The following EPSTI1 variants were observed in gnomAD, a reference collection of about 807,000 sequenced individuals.
The protein encoded by EPSTI1 is epithelial stromal interaction 1, also known as epithelial-stromal interaction protein 1.
A neutral mutation model predicts 49.9 loss-of-function variants in EPSTI1; 66 were observed. The ratio of observed to expected loss-of-function variants is 1.32; its 90% confidence interval spans 1.08 to 1.62. The LOEUF (loss-of-function observed/expected upper bound fraction) is 1.62, where lower values mean the gene tolerates loss of function less well. Ranked by LOEUF, EPSTI1 falls within the 40% of genes most tolerant of loss-of-function variation. The pLI, the probability that EPSTI1 is intolerant of heterozygous loss-of-function variation, is 0.00. For synonymous variants in EPSTI1, 137 were observed against 130.7 expected (o/e 1.05, Z -0.33); for missense variants, 394 against 365.5 (o/e 1.08, Z -0.64).
intron 1 of EPSTI1, among the ~76,000 whole-genome samples, chr13:42,971,951 C>T (rs915645321): frequency 1.3e-5 from 2 of 152,230 alleles, no homozygotes; most frequent in Non-Finnish European, 2.9e-5. Context: ...GAGACTGCCA[C>T]TGGCAATTAA....
At position 42,986,692 on chromosome 13, in the gene EPSTI1, C is replaced by G. The variant is rs141410186; in HGVS notation, c.188+5286G>C. Among the ~76,000 whole-genome samples the G allele has an allele frequency of 7.4e-3, 963 of 130,914 alleles. 25 individuals carry two copies. Among genetic ancestry groups the G allele is most frequent in the East Asian group, 0.073 (322 of 4,390 alleles). The allele number at this position is 130,914 out of a possible 152,430, so 85.9% of individuals were successfully genotyped here. Reference sequence around the variant, plus strand: ...TCTGGGAGGCAGAGGTGGCAGTGAACTGAGATCACGCCACTGCACTACAGC... The same window carrying G: ...TCTGGGAGGCAGAGGTGGCAGTGAAGTGAGATCACGCCACTGCACTACAGC... On this transcript the variant is annotated intron_variant, in intron 1 of 10. Transcript: ENST00000313624.
intron 6 of EPSTI1, among the ~76,000 whole-genome samples, chr13:42,952,617 C>T (rs949456438): frequency 2.6e-5 from 4 of 152,174 alleles, no homozygotes; most frequent in African/African-American, 7.2e-5. Context: ...CAAATGCCTT[C>T]TTTAGAAGAA....
intron 7 of EPSTI1, among the ~76,000 whole-genome samples, chr13:42,923,368 C>G (rs9594834): frequency 0.013 from 1,909 of 152,226 alleles, 37 homozygotes; most frequent in African/African-American, 0.043. Flanking sequence ...TGAGATCACC[C>G]TGCGCAATGT....
chr13:42,910,257 CTTTTTTTTTT>C (rs71099807), intron 8 of EPSTI1, among the ~76,000 whole-genome samples: 2 of 97,668 alleles, frequency 2.0e-5, no homozygotes, highest in Admixed American at 1.3e-4. Flanking sequence ...TTAACCAAAT[CTTTTTTTTTT>C]TTTTTTTTTT....
Position 42,922,354 on chromosome 13 carries a change from C to T in EPSTI1, c.657+3982G>A, listed in dbSNP as rs1322323964. Among the ~76,000 whole-genome samples the T allele has an allele frequency of 6.6e-6, 1 of 152,024 alleles. No individual in the cohort carries two copies. The highest frequency in any genetic ancestry group is 1.5e-5 in the Non-Finnish European group (1 of 68,012). ...AAGTGGAGAGATTAGCCTGGATAGT[C>T]CAGGTGGGCCCATTGTAATCAAAAG... is the stretch of plus-strand genomic sequence containing the variant. On this transcript the variant is annotated intron_variant, in intron 7 of 10. Transcript: ENST00000313624. The surrounding 1 kb of genome is among the most constrained non-coding windows in gnomAD (Gnocchi z 4.8).
chr13:42,976,365 G>C (rs1594756609), intron 1 of EPSTI1, among the ~76,000 whole-genome samples: 1 of 152,140 alleles, frequency 6.6e-6, no homozygotes, highest in East Asian at 1.9e-4. Context: ...AAGGTTCCCA[G>C]CTAAATAAAT....
chr13:42,932,172 A>T (rs997762124), intron 6 of EPSTI1, among the ~76,000 whole-genome samples: 1 of 151,946 alleles, frequency 6.6e-6, no homozygotes, highest in African/African-American at 2.4e-5. Context: ...GCCTCAAGTG[A>T]TCCTCCCACC....
At chr13:42,932,411 T>C (rs112090800) in intron 6 of EPSTI1, among the ~76,000 whole-genome samples, 63 of 152,256 alleles carry the variant, frequency 4.1e-4, no homozygotes, top group African/African-American at 1.5e-3. Flanking sequence ...TGTTCCAGTC[T>C]CACCTATCAC....
chr13:42,918,148 T>C (rs2037891450), intron 7 of EPSTI1, among the ~76,000 whole-genome samples: 1 of 151,764 alleles, frequency 6.6e-6, no homozygotes, highest in African/African-American at 2.4e-5. Flanking sequence ...TGGATGAAGT[T>C]TTATTTCTAC....
At position 42,900,319 on chromosome 13, in the gene EPSTI1, T is replaced by C; in HGVS notation, c.806A>G (p.Glu269Gly). The C allele has an allele frequency of 1.9e-6, 3 of 1,613,702 alleles. No homozygotes were observed. The highest frequency in any genetic ancestry group is 2.5e-6 in the Non-Finnish European group (3 of 1,179,700). The change falls in exon 9 of 11, where the codon GAA (glutamate) becomes GGA (glycine). Residue 269 changes from glutamate to glycine, a missense_variant. Transcript: ENST00000313624. ...EQERAKIHQT[E>G]HRRVNNAFLD... ...TATTAGCCAGTTTTACCTCCTGTGT[T>C]CAGTCTGGTGGATTTTGGCTCTTTC... is the stretch of plus-strand genomic sequence containing the variant.
intron 6 of EPSTI1, among the ~76,000 whole-genome samples, chr13:42,932,587 C>T (rs1463947882): frequency 6.6e-6 from 1 of 151,168 alleles, no homozygotes; most frequent in Non-Finnish European, 1.5e-5. Flanking sequence ...GAAAGTCTCC[C>T]TCAAATACAA....
chr13:42,935,899 G>A (rs1298092218), intron 6 of EPSTI1, among the ~76,000 whole-genome samples: 1 of 152,040 alleles, frequency 6.6e-6, no homozygotes, highest in Non-Finnish European at 1.5e-5. Flanking sequence ...GCCCACTCAT[G>A]AATTCTTCTC....
At chr13:42,971,845 C>G (rs1007548579) in intron 1 of EPSTI1, among the ~76,000 whole-genome samples, 2 of 152,218 alleles carry the variant, frequency 1.3e-5, no homozygotes. Context: ...CCTTTGCATG[C>G]AAATGGGGCT....
chr13:42,948,462 G>GT (rs35811528), intron 6 of EPSTI1, among the ~76,000 whole-genome samples: 1,691 of 139,604 alleles, frequency 0.012, 25 homozygotes, highest in African/African-American at 0.036. Context: ...TGTTTTTTGT[G>GT]TTTTTTTTTT....
chr13:42,914,485 G>A (rs1034679443), intron 8 of EPSTI1, among the ~76,000 whole-genome samples: 3 of 152,146 alleles, frequency 2.0e-5, no homozygotes, highest in African/African-American at 4.8e-5. Context: ...GTGTTACAGA[G>A]TTCAGGGAGA....
intron 8 of EPSTI1, among the ~76,000 whole-genome samples, chr13:42,911,526 A>G (rs1469576582): frequency 2.0e-5 from 3 of 152,204 alleles, no homozygotes; most frequent in Non-Finnish European, 4.4e-5. Flanking sequence ...GGTCTTTATG[A>G]GTTTTAATTA....
Position 42,886,802 on chromosome 13 carries a change from G to A in EPSTI1, c.*1692C>T, listed in dbSNP as rs1205249800. ...ATATCTGCACAATTTTTAAAAAATG[G>A]AACTACCCATCTGCACAAAATCTTT... On this transcript the variant is annotated 3_prime_UTR_variant, in exon 11 of 11. Transcript: ENST00000313624. 6.6e-6 allele frequency: 1 copy of A among 152,106 alleles called. No individual in the cohort carries two copies. Among genetic ancestry groups the A allele is most frequent in the Non-Finnish European group, 1.5e-5 (1 of 68,038 alleles). The allele number at this position is 152,106 out of a possible 1,614,324, so 9.4% of individuals were successfully genotyped here.
At position 42,912,387 on chromosome 13, in the gene EPSTI1, G is replaced by T. The variant is rs550288741; in HGVS notation, c.741+5154C>A. ...TATCATGGCCCATAAGGTAAGAAGT[G>T]AATGAGAGAGGCATGGCTGGGCTCA... On this transcript the variant is annotated intron_variant, in intron 8 of 10. Transcript: ENST00000313624. Among the ~76,000 whole-genome samples the T allele has an allele frequency of 1.3e-4, 20 of 152,282 alleles. No homozygotes were observed. In the South Asian group the frequency reaches 2.5e-3, roughly 19 times the overall value.
rs1012961150 is a variant in EPSTI1 at position 42,926,425 on chromosome 13, T to C, written c.568A>G (p.Thr190Ala). Residue 190 changes from threonine to alanine, a missense_variant, in exon 7 of 11, where the codon ACC becomes GCC. Physicochemically the swap from Thr to Ala is moderately conservative, Grantham distance 58. Coordinates refer to ENST00000313624, the MANE Select transcript of EPSTI1 (RefSeq NM_033255.5). ...EAFREHQQYK[T>A]AEFLSKLNTE... ...TTCAGTTTGCTCAAGAACTCAGCGG[T>C]TTTGCTACCAGAAACACAAACAGGT... is the stretch of plus-strand genomic sequence containing the variant. 2 of 1,606,964 alleles carry C rather than the reference T, an allele frequency of 1.2e-6. No homozygotes were observed. Among genetic ancestry groups the C allele is most frequent in the Admixed American group, 1.7e-5 (1 of 60,002 alleles).
Sources: allele counts gnomAD v4.1 joint callset (sites outside exome capture counted in the v4.1 genomes callset), GRCh38; gene constraint gnomAD v4.1.1; non-coding constraint Gnocchi (gnomAD v3.1); transcripts MANE v1.5; gene names NCBI Gene and HGNC (gene_info 2026-07-23, HGNC 2026-07-21).